SEPTIN14: variants seen among roughly 807,000 people sequenced by gnomAD.
The protein encoded by SEPTIN14 is septin-14.
SEPTIN14 carries 40 observed loss-of-function variants against 53.6 expected under a neutral mutation model. The observed-to-expected ratio is 0.75, with a 90% CI of 0.58 to 0.97. The LOEUF (loss-of-function observed/expected upper bound fraction) is 0.97, where lower values mean the gene tolerates loss of function less well. Among genes scored for constraint, SEPTIN14 ranks in the 50% least tolerant of loss-of-function variants. SEPTIN14 has a pLI of 0.00. For missense variants in SEPTIN14, 471 were observed against 508.2 expected (o/e 0.93, Z 0.70); for synonymous variants, 138 against 166.8 (o/e 0.83, Z 1.33).
chr7:55,817,151 T>C (rs7806143), intron 7 of SEPTIN14, among the ~76,000 whole-genome samples: 29,061 of 152,076 alleles, frequency 0.19, 3,424 homozygotes, highest in Middle Eastern at 0.31. Flanking sequence ...AAGTGTGGCA[T>C]ATATACGCAA....
At chr7:55,827,212 A>G (rs900425217) in intron 6 of SEPTIN14, among the ~76,000 whole-genome samples, 3 of 152,182 alleles carry the variant, frequency 2.0e-5, no homozygotes, top group Non-Finnish European at 4.4e-5. Context: ...CAACACTGCA[A>G]CAGCTGAAAT....
At chr7:55,804,524 G>A (rs1171917727) in intron 9 of SEPTIN14, among the ~76,000 whole-genome samples, 1 of 152,070 alleles carries the variant, frequency 6.6e-6, no homozygotes, top group Non-Finnish European at 1.5e-5. Context: ...CTCCCAAAGT[G>A]CTGGGATTAT....
At chr7:55,834,258 T>A (rs1169465047) in intron 6 of SEPTIN14, among the ~76,000 whole-genome samples, 167 bp downstream of exon 6, 1 of 152,196 alleles carries the variant, frequency 6.6e-6, no homozygotes, top group Non-Finnish European at 1.5e-5. Flanking sequence ...TATAGGCCAA[T>A]ATCCTTGAGG....
intron 2 of SEPTIN14, among the ~76,000 whole-genome samples, chr7:55,854,811 G>A (rs564228165): frequency 6.6e-6 from 1 of 152,276 alleles, no homozygotes; most frequent in African/African-American, 2.4e-5. Context: ...TTGAAAAAAG[G>A]TAGAAAATAT....
intron 2 of SEPTIN14, among the ~76,000 whole-genome samples, chr7:55,856,686 C>A (rs1789633424): frequency 6.6e-6 from 1 of 152,108 alleles, no homozygotes; most frequent in Admixed American, 6.6e-5. Context: ...AGCCACCGCG[C>A]TTGGCCATGT....
Position 55,843,287 on chromosome 7 carries a change from A to G in SEPTIN14, c.372-159T>C, listed in dbSNP as rs565536580. Among the ~76,000 whole-genome samples, 7 of 152,324 alleles carry G rather than the reference A, an allele frequency of 4.6e-5. No homozygotes were observed. The East Asian group carries it at 1.3e-3, about 29-fold the overall frequency. On this transcript the variant is annotated intron_variant, in intron 4 of 9. Coordinates refer to ENST00000388975, the MANE Select transcript of SEPTIN14 (RefSeq NM_207366.3). The stretch of plus-strand genomic sequence containing the variant: ...ATACAAAGATATTAATTCTAAACCA[A>G]TAATAAGGCTCATGCTTTACTCTAT...
intron 7 of SEPTIN14, among the ~76,000 whole-genome samples, chr7:55,807,973 T>G (rs1562706691): frequency 6.6e-6 from 1 of 152,120 alleles, no homozygotes; most frequent in Non-Finnish European, 1.5e-5. Context: ...TGTAAATATA[T>G]ATGCACCCAA....
chr7:55,827,011 A>T (rs781601291), intron 6 of SEPTIN14, among the ~76,000 whole-genome samples: 2 of 152,074 alleles, frequency 1.3e-5, no homozygotes, highest in Admixed American at 6.6e-5. Context: ...TCTCTATCAC[A>T]GCCAGCACCT....
chr7:55,827,918 A>G (rs1789019279), intron 6 of SEPTIN14, among the ~76,000 whole-genome samples: 1 of 152,158 alleles, frequency 6.6e-6, no homozygotes, highest in African/African-American at 2.4e-5. Flanking sequence ...CTGTAGTTAC[A>G]CCCACAAGGA....
At chr7:55,847,854 C>A in intron 2 of SEPTIN14, among the ~76,000 whole-genome samples, 1 of 152,170 alleles carries the variant, frequency 6.6e-6, no homozygotes, top group East Asian at 1.9e-4. Flanking sequence ...AAGTTACCAA[C>A]TGATCATTTT....
chr7:55,811,228 G>A lies in SEPTIN14; in HGVS notation c.818-3970C>T, dbSNP rs562642985. 232 of 527,344 alleles carry A rather than the reference G, an allele frequency of 4.4e-4. 1 individual carries two copies. The highest frequency in any genetic ancestry group is 2.6e-3 in the Admixed American group (120 of 45,850). The allele number at this position is 527,344 out of a possible 1,614,324, so 32.7% of individuals were successfully genotyped here. On this transcript the variant is annotated intron_variant, in intron 7 of 9. Transcript: ENST00000388975. Reference sequence around the variant, plus strand: ...CATTCATCTTTGCGCAGTGCCTTGGGGAGCCGCAGGATCTGGATGTTGTAG... The same window carrying A: ...CATTCATCTTTGCGCAGTGCCTTGGAGAGCCGCAGGATCTGGATGTTGTAG...
chr7:55,844,791 G>A (rs1789373454), intron 3 of SEPTIN14, 73 bp from the exon 4 acceptor site: 6 of 731,106 alleles, frequency 8.2e-6, no homozygotes, highest in Non-Finnish European at 1.0e-5. Context: ...GAATTCCTAC[G>A]GTGGTTTTTA....
At chr7:55,838,904 A>G (rs1789257394) in intron 5 of SEPTIN14, among the ~76,000 whole-genome samples, 1 of 152,082 alleles carries the variant, frequency 6.6e-6, no homozygotes, top group Non-Finnish European at 1.5e-5. Flanking sequence ...ATATTAAATG[A>G]AAAATTCTAG....
At chr7:55,801,331 T>C (rs1788519595) in intron 9 of SEPTIN14, among the ~76,000 whole-genome samples, 1 of 151,206 alleles carries the variant, frequency 6.6e-6, no homozygotes. Context: ...CTCAAACAAA[T>C]AAAATCAGAA....
chr7:55,826,813 A>AAAAGAAT (rs1388581263), intron 6 of SEPTIN14, among the ~76,000 whole-genome samples: 2 of 151,686 alleles, frequency 1.3e-5, no homozygotes, highest in Non-Finnish European at 2.9e-5. Flanking sequence ...AAAAAAAAAA[A>AAAAGAAT]AAGAATAAAG....
At chr7:55,811,622 C>T (rs987837897) in intron 7 of SEPTIN14, among the ~76,000 whole-genome samples, 7 of 150,502 alleles carry the variant, frequency 4.7e-5, no homozygotes, top group Admixed American at 4.0e-4. Flanking sequence ...CTGCCTCAGC[C>T]CCCCAGGTAG....
intron 8 of SEPTIN14, among the ~76,000 whole-genome samples, chr7:55,806,748 C>A (rs1788616360): frequency 6.6e-6 from 1 of 152,170 alleles, no homozygotes; most frequent in Non-Finnish European, 1.5e-5. Flanking sequence ...CAGGCATGAG[C>A]CACAGCGCCC....
At chr7:55,822,293 T>C (rs118013359) in intron 6 of SEPTIN14, among the ~76,000 whole-genome samples, 1 of 152,272 alleles carries the variant, frequency 6.6e-6, no homozygotes, top group Non-Finnish European at 1.5e-5. Context: ...TGTACATGGA[T>C]AGAAAGACTC....
chr7:55,823,622 C>T lies in SEPTIN14; in HGVS notation c.721-4399G>A, dbSNP rs559189256. ...CTGTGTGGCAGGTAGCGCGCCCAAG[C>T]AAGGCCCAGGTGGGGGTGTCACTGG... is the stretch of plus-strand genomic sequence containing the variant. On this transcript the variant is annotated intron_variant, in intron 6 of 9. Transcript: ENST00000388975. Among the ~76,000 whole-genome samples, 3 of 152,288 alleles carry T rather than the reference C, an allele frequency of 2.0e-5. No homozygotes were observed. The East Asian group carries it at 5.8e-4, about 29-fold the overall frequency.
Sources: gnomAD v4.1 joint callset for allele counts (sites outside exome capture counted in the v4.1 genomes callset) on GRCh38, gnomAD v4.1.1 for gene constraint, MANE v1.5 for transcripts, NCBI Gene and HGNC (gene_info 2026-07-23, HGNC 2026-07-21) for gene names.